The following ANK2 variants were observed in gnomAD, a reference collection of about 807,000 sequenced individuals.
ANK2 encodes ankyrin-2.
In ANK2, 83 loss-of-function variants were observed where a neutral mutation model predicts 360.5. That is an observed-to-expected ratio of 0.23 (90% CI 0.19 to 0.28). The LOEUF is 0.28. Ranked by LOEUF, ANK2 falls within the 10% of genes least tolerant of loss-of-function variation. The pLI, the probability that ANK2 is intolerant of heterozygous loss-of-function variation, is 1.00. For synonymous variants in ANK2, 1,740 were observed against 1,759.5 expected, an observed-to-expected ratio of 0.99 and a Z score of 0.28; for missense variants, 4,201 against 4,795.7, an observed-to-expected ratio of 0.88 and a Z score of 3.66.
At position 113,369,635 on chromosome 4, in the gene ANK2, A is replaced by T; in HGVS notation, c.11440A>T (p.Thr3814Ser). The T allele has an allele frequency of 3.7e-6, 6 of 1,614,080 alleles. No homozygotes were observed. The highest frequency in any genetic ancestry group is 5.1e-6 in the Non-Finnish European group (6 of 1,180,010). Residue 3814 changes from threonine to serine, a missense_variant, in exon 43 of 46, where the codon ACC (threonine) becomes TCC (serine). By Grantham distance (58) the Thr-to-Ser change is moderately conservative (BLOSUM62 1). Around this residue, in one of 4 missense-constraint regions of ANK2, gnomAD observed 2,642 missense variants for 2,714.5 expected, o/e 0.97. Coordinates refer to ENST00000357077, the MANE Select transcript of ANK2 (RefSeq NM_001148.6). ...AGAGGAGGAGAAGCTGTACCTCCAG[A>T]CCCCAACATCCAGCGAGCGGGGAGG... ...PAEEEKLYLQ[T>S]PTSSERGGSP...
At chr4:112,817,705 G>A (rs1218568826), upstream of ANK2, among the ~76,000 whole-genome samples, 1 of 151,898 alleles carries the variant, frequency 6.6e-6, no homozygotes, top group Non-Finnish European at 1.5e-5. Flanking sequence ...ACTGAAAGGC[G>A]GTGGGGTATG....
At position 113,355,217 on chromosome 4, in the gene ANK2, G is replaced by A. The variant is rs1264653409; in HGVS notation, c.6599G>A (p.Gly2200Asp). The A allele has an allele frequency of 1.9e-6, 3 of 1,613,982 alleles. No individual in the cohort carries two copies. Among genetic ancestry groups the A allele is most frequent in the African/African-American group, 1.3e-5 (1 of 74,906 alleles). The change falls in exon 38 of 46, where the codon GGC (glycine) becomes GAC (aspartate). Residue 2200 changes from glycine to aspartate, a missense_variant. Gly to Asp is a moderately conservative substitution (Grantham distance 94). This residue lies in a region of ANK2 where 2,642 missense variants were observed against 2,714.5 expected (regional missense o/e 0.97). Coordinates refer to ENST00000357077, the MANE Select transcript of ANK2 (RefSeq NM_001148.6). The part of the protein sequence containing the change: ...ALSLQSGALD[G>D]SSESLKNEGV... ...TCTTTACAAAGCGGTGCTTTAGATG[G>A]CAGTTCTGAAAGCCTAAAGAATGAG...
chr4:113,287,843 T>G, intron 19 of ANK2, 140 bp downstream of exon 19: 1 of 760,114 alleles, frequency 1.3e-6, no homozygotes, highest in Non-Finnish European at 2.3e-6. Flanking sequence ...AACCCTCTCC[T>G]ATGCACAAAT....
intron 1 of ANK2, among the ~76,000 whole-genome samples, chr4:113,085,172 C>G (rs1012547595): frequency 6.6e-6 from 1 of 152,158 alleles, no homozygotes; most frequent in African/African-American, 2.4e-5. Flanking sequence ...GTGAGAATCA[C>G]CAAGGTGACT....
chr4:112,774,043 C>T, the ANK2 span, among the ~76,000 whole-genome samples: 1 of 151,880 alleles, frequency 6.6e-6, no homozygotes, highest in African/African-American at 2.4e-5. Flanking sequence ...TCGTGATCTG[C>T]CTGCCTTGGC....
intron 1 of ANK2, among the ~76,000 whole-genome samples, chr4:113,105,296 C>A (rs2093474842): frequency 6.6e-6 from 1 of 151,882 alleles, no homozygotes; most frequent in Non-Finnish European, 1.5e-5. Context: ...TAAAAGAATT[C>A]CTTAATTCCT....
At chr4:112,711,826 A>G in the ANK2 span, among the ~76,000 whole-genome samples, 3 of 151,170 alleles carry the variant, frequency 2.0e-5, no homozygotes, top group African/African-American at 7.3e-5. Flanking sequence ...TCTCAAAAAA[A>G]TAAAATAAAA....
At chr4:112,913,094 T>C (rs983148605) in intron 2 of ANK2, among the ~76,000 whole-genome samples, 1 of 152,146 alleles carries the variant, frequency 6.6e-6, no homozygotes, top group Admixed American at 6.5e-5. Context: ...AAAAAACTCA[T>C]ATTAGCTCCA....
At chr4:113,318,832 T>A (rs1418740385) in intron 26 of ANK2, among the ~76,000 whole-genome samples, 1 of 152,190 alleles carries the variant, frequency 6.6e-6, no homozygotes, top group African/African-American at 2.4e-5. Flanking sequence ...TTAAAAAAAC[T>A]GACTATTGTT....
At chr4:112,755,522 C>T in the ANK2 span, among the ~76,000 whole-genome samples, 4 of 152,050 alleles carry the variant, frequency 2.6e-5, no homozygotes, top group East Asian at 1.9e-4. Flanking sequence ...TAACGTTTTG[C>T]GGGCAGGGGT....
At chr4:113,334,262 AGATAT>A (rs1326858032) in intron 29 of ANK2, among the ~76,000 whole-genome samples, 4 of 152,184 alleles carry the variant, frequency 2.6e-5, no homozygotes, top group African/African-American at 9.7e-5. Flanking sequence ...TATGCCCTCT[AGATAT>A]GTTAAGTCAA....
chr4:113,324,989 A>G (rs761611716), intron 26 of ANK2, among the ~76,000 whole-genome samples: 7 of 152,154 alleles, frequency 4.6e-5, no homozygotes, highest in Admixed American at 1.3e-4. Context: ...TAGCTAATCA[A>G]ATTGTGTATT....
intron 1 of ANK2, among the ~76,000 whole-genome samples, chr4:113,144,059 A>G (rs2096740963): frequency 6.6e-6 from 1 of 152,166 alleles, no homozygotes; most frequent in Non-Finnish European, 1.5e-5. Context: ...TTTTAACATG[A>G]ATGGAGAAAT....
intron 4 of ANK2, among the ~76,000 whole-genome samples, chr4:113,215,419 A>T (rs1023695249): frequency 3.3e-5 from 5 of 152,176 alleles, no homozygotes; most frequent in Non-Finnish European, 7.4e-5. Flanking sequence ...ATCATTAGAT[A>T]TATTTGTATT....
the ANK2 span, among the ~76,000 whole-genome samples, chr4:112,740,900 G>C: frequency 6.6e-6 from 1 of 151,992 alleles, no homozygotes; most frequent in Non-Finnish European, 1.5e-5. Context: ...TAAGGCAGAA[G>C]AATCACTTGA....
At chr4:113,230,398 C>T (rs753934597) in intron 4 of ANK2, among the ~76,000 whole-genome samples, 1 of 151,856 alleles carries the variant, frequency 6.6e-6, no homozygotes, top group African/African-American at 2.4e-5. Flanking sequence ...CCCTGTAGTC[C>T]CAGCTACTCG....
At chr4:112,963,415 T>C (rs2035776434) in intron 2 of ANK2, among the ~76,000 whole-genome samples, 2 of 152,192 alleles carry the variant, frequency 1.3e-5, no homozygotes, top group South Asian at 4.1e-4. Context: ...TCAAAGGTAA[T>C]TACAGCTCTT....
intron 1 of ANK2, chr4:113,151,004 GA>G (rs963353569): frequency 5.9e-6 from 7 of 1,189,010 alleles, no homozygotes; most frequent in East Asian, 5.7e-5. Flanking sequence ...AAATATTTGT[GA>G]AAAAAATGAA....
At chr4:113,094,365 C>T (rs553654335) in intron 1 of ANK2, among the ~76,000 whole-genome samples, 6 of 152,100 alleles carry the variant, frequency 3.9e-5, no homozygotes, top group South Asian at 2.1e-4. Context: ...AGACTTCAGC[C>T]GTTAGAAAAA....
Sources: gnomAD v4.1 joint callset for allele counts (sites outside exome capture counted in the v4.1 genomes callset) on GRCh38, gnomAD v4.1.1 for gene constraint, gnomAD v4.1.1 regional missense constraint, MANE v1.5 for transcripts, NCBI Gene and HGNC (gene_info 2026-07-23, HGNC 2026-07-21) for gene names.